The following TOP6BL variants were observed in gnomAD, a reference collection of about 807,000 sequenced individuals.
The protein encoded by TOP6BL is type 2 DNA topoisomerase 6 subunit B-like.
chr11:66,825,676 C>A, the TOP6BL span, among the ~76,000 whole-genome samples: 1 of 152,232 alleles, frequency 6.6e-6, no homozygotes, highest in South Asian at 2.1e-4. Flanking sequence ...TTATAAGCCA[C>A]CCAGTCTATA....
At chr11:66,758,878 C>T in the TOP6BL span, among the ~76,000 whole-genome samples, 3 of 152,084 alleles carry the variant, frequency 2.0e-5, no homozygotes, top group Admixed American at 6.6e-5. Context: ...AGTCATTGTA[C>T]CATTATAGTA....
the TOP6BL span, among the ~76,000 whole-genome samples, chr11:66,837,736 C>A: frequency 1.3e-5 from 2 of 152,152 alleles, no homozygotes; most frequent in South Asian, 4.1e-4. Flanking sequence ...TGAGCCACCG[C>A]GCCTGGCTAT....
At chr11:66,749,033 T>C in the TOP6BL span, among the ~76,000 whole-genome samples, 1 of 152,026 alleles carries the variant, frequency 6.6e-6, no homozygotes, top group Admixed American at 6.6e-5. Flanking sequence ...TTCTTAAACT[T>C]GAAGTGTTAG....
chr11:66,843,048 G>C, the TOP6BL span: 46 of 1,562,226 alleles, frequency 2.9e-5, no homozygotes, highest in Non-Finnish European at 3.4e-5. Flanking sequence ...CGGGCAGGGC[G>C]AGCCTCGGAA....
the TOP6BL span, among the ~76,000 whole-genome samples, chr11:66,801,408 CTT>C: frequency 6.6e-6 from 1 of 152,176 alleles, no homozygotes; most frequent in Admixed American, 6.5e-5. Context: ...GAATTTAAAA[CTT>C]TACTTGAATT....
chr11:66,748,585 A>G, the TOP6BL span: 1 of 1,234,502 alleles, frequency 8.1e-7, no homozygotes, highest in South Asian at 1.7e-5. Flanking sequence ...TTATTTAAAA[A>G]TTTCAATTAG....
the TOP6BL span, chr11:66,801,176 G>A: frequency 2.0e-6 from 3 of 1,480,170 alleles, no homozygotes; most frequent in East Asian, 2.3e-5. Context: ...GTAGAAATTG[G>A]AAATTGTCTC....
the TOP6BL span, among the ~76,000 whole-genome samples, chr11:66,807,502 C>T: frequency 6.6e-6 from 1 of 151,994 alleles, no homozygotes; most frequent in Non-Finnish European, 1.5e-5. Context: ...ACCTGGGAGG[C>T]GGTGGTTGCG....
the TOP6BL span, chr11:66,796,214 C>T: frequency 4.2e-6 from 5 of 1,192,912 alleles, no homozygotes; most frequent in Non-Finnish European, 2.4e-6. Flanking sequence ...GAGGAAATAC[C>T]GTTTTAATTC....
At chr11:66,825,951 C>T in the TOP6BL span, among the ~76,000 whole-genome samples, 1 of 151,988 alleles carries the variant, frequency 6.6e-6, no homozygotes, top group Non-Finnish European at 1.5e-5. Context: ...ACGCCATTCT[C>T]CTGCCTCAGC....
At chr11:66,773,353 CTT>C in the TOP6BL span, among the ~76,000 whole-genome samples, 1 of 143,366 alleles carries the variant, frequency 7.0e-6, no homozygotes. Flanking sequence ...TGCACCTGGC[CTT>C]TTTTTTTTTT....
chr11:66,747,431 T>G, the TOP6BL span, among the ~76,000 whole-genome samples: 1 of 151,956 alleles, frequency 6.6e-6, no homozygotes, highest in Non-Finnish European at 1.5e-5. Context: ...GGCCTCACTA[T>G]GTTTCCAGGG....
At chr11:66,805,223 G>T in the TOP6BL span, among the ~76,000 whole-genome samples, 1 of 152,134 alleles carries the variant, frequency 6.6e-6, no homozygotes, top group Admixed American at 6.6e-5. Flanking sequence ...GACAGAGCAA[G>T]ACTCTGCCTC....
the TOP6BL span, among the ~76,000 whole-genome samples, chr11:66,769,985 T>A: frequency 6.6e-6 from 1 of 152,052 alleles, no homozygotes; most frequent in South Asian, 2.1e-4. Context: ...GACCTTGTGA[T>A]CCGCCTGCCT....
At chr11:66,746,315 G>A in the TOP6BL span, among the ~76,000 whole-genome samples, 1 of 152,166 alleles carries the variant, frequency 6.6e-6, no homozygotes, top group South Asian at 2.1e-4. Flanking sequence ...TTGGCCGGGC[G>A]CGGTGGGTAG....
At chr11:66,838,305 T>C in the TOP6BL span, 2 of 1,465,936 alleles carry the variant, frequency 1.4e-6, no homozygotes, top group Non-Finnish European at 1.9e-6. Flanking sequence ...GGCACACTCC[T>C]GTTTCACTAG....
the TOP6BL span, among the ~76,000 whole-genome samples, chr11:66,831,939 G>A: frequency 1.4e-5 from 2 of 142,482 alleles, no homozygotes; most frequent in Non-Finnish European, 3.0e-5. Flanking sequence ...AGAAGTTGCA[G>A]CGAGCTGAGA....
chr11:66,817,791 C>T, the TOP6BL span, among the ~76,000 whole-genome samples: 1 of 152,048 alleles, frequency 6.6e-6, no homozygotes, highest in African/African-American at 2.4e-5. Flanking sequence ...AAGTGATCCT[C>T]CCACCTCGGC....
chr11:66,746,621 G>A, the TOP6BL span, among the ~76,000 whole-genome samples: 1 of 152,136 alleles, frequency 6.6e-6, no homozygotes, highest in Non-Finnish European at 1.5e-5. Context: ...GGCTGAGGCA[G>A]GAGAATCGCT....
Sources: allele counts gnomAD v4.1 joint callset (sites outside exome capture counted in the v4.1 genomes callset), GRCh38; gene constraint gnomAD v4.1.1; transcripts MANE v1.5; gene names NCBI Gene and HGNC (gene_info 2026-07-23, HGNC 2026-07-21).